Variants in CSMD3 observed in about 807,000 individuals in gnomAD.
The protein encoded by CSMD3 is CUB and Sushi multiple domains 3, also known as CUB and sushi domain-containing protein 3.
A neutral mutation model predicts 435.2 loss-of-function variants in CSMD3; 177 were observed. The observed-to-expected ratio is 0.41, with a 90% CI of 0.36 to 0.46. The LOEUF is 0.46. CSMD3 is among the 20% of genes least tolerant of loss of function. CSMD3 has a pLI of 0.34. For missense variants in CSMD3, 4,265 were observed against 4,504.6 expected (o/e 0.95, Z 1.52); for synonymous variants, 1,656 against 1,520.5 (o/e 1.09, Z -2.07).
chr8:113,139,848 C>G (rs1163105980), intron 4 of CSMD3, among the ~76,000 whole-genome samples: 2 of 150,856 alleles, frequency 1.3e-5, no homozygotes, highest in African/African-American at 4.9e-5. Context: ...ATATTAACAG[C>G]AAAATAATAG....
At chr8:113,391,444 G>C (rs1289125662) in intron 1 of CSMD3, among the ~76,000 whole-genome samples, 1 of 151,998 alleles carries the variant, frequency 6.6e-6, no homozygotes, top group Admixed American at 6.6e-5. Flanking sequence ...TTCTAACAAA[G>C]TTCCGTGGGT....
intron 5 of CSMD3, among the ~76,000 whole-genome samples, chr8:113,026,031 G>A (rs751200826): frequency 4.8e-4 from 73 of 152,268 alleles, no homozygotes; most frequent in Non-Finnish European, 2.1e-4. Flanking sequence ...ATGTGCTATA[G>A]CACCCTGGGT....
intron 1 of CSMD3, among the ~76,000 whole-genome samples, chr8:113,435,927 T>C (rs2094703412): frequency 6.6e-6 from 1 of 151,970 alleles, no homozygotes; most frequent in Non-Finnish European, 1.5e-5. Flanking sequence ...CCCCTATCTG[T>C]GCATGTGACA....
At chr8:112,558,062 T>C (rs535924234) in intron 24 of CSMD3, among the ~76,000 whole-genome samples, 4 of 151,944 alleles carry the variant, frequency 2.6e-5, no homozygotes, top group African/African-American at 9.6e-5. Context: ...CTCAGAACAA[T>C]ATACTCCAAA....
chr8:113,069,246 A>G (rs2131395886), intron 5 of CSMD3, among the ~76,000 whole-genome samples: 1 of 152,148 alleles, frequency 6.6e-6, no homozygotes, highest in South Asian at 2.1e-4. Context: ...ATATATGCCC[A>G]CTCCATTCTA....
At position 112,228,871 on chromosome 8, in the gene CSMD3, A is replaced by C; in HGVS notation, c.10849T>G (p.Ser3617Ala). ...CCATGAGGTTGATTTGAAGAATTTGAACCTTCTGACATATTCAGTCCTACA... is the reference window on the plus strand; with the variant it reads ...CCATGAGGTTGATTTGAAGAATTTGCACCTTCTGACATATTCAGTCCTACA... ...QRLGLNMSEG[S>A]NSSNQPHGTN... The change falls in exon 70 of 71, where the codon TCA becomes GCA. Residue 3617 changes from serine to alanine, a missense_variant. Around this residue, in one of 3 missense-constraint regions of CSMD3, gnomAD observed 3,255 missense variants for 3,380.2 expected, o/e 0.96. Coordinates refer to ENST00000297405, the MANE Select transcript of CSMD3 (RefSeq NM_198123.2). 2 of 1,557,474 alleles carry C rather than the reference A, an allele frequency of 1.3e-6. No homozygotes were observed. The highest frequency in any genetic ancestry group is 1.8e-6 in the Non-Finnish European group (2 of 1,129,930).
At chr8:112,432,844 G>A (rs756498831) in intron 32 of CSMD3, among the ~76,000 whole-genome samples, 2 of 151,432 alleles carry the variant, frequency 1.3e-5, no homozygotes, top group East Asian at 3.9e-4. Flanking sequence ...GGGAGGCTGA[G>A]GTAAGAGGAT....
chr8:113,138,953 CT>C (rs1266750589), intron 4 of CSMD3, among the ~76,000 whole-genome samples: 1 of 150,682 alleles, frequency 6.6e-6, no homozygotes, highest in African/African-American at 2.4e-5. Context: ...TTTACAAATA[CT>C]TTTATTTACA....
chr8:112,651,138 G>C (rs1265267822), intron 18 of CSMD3, among the ~76,000 whole-genome samples: 1 of 152,132 alleles, frequency 6.6e-6, no homozygotes, highest in East Asian at 1.9e-4. Context: ...GCCCTCAGTT[G>C]AGAACCACTG....
At chr8:112,543,074 C>T (rs1395767559) in intron 27 of CSMD3, among the ~76,000 whole-genome samples, 2 of 152,048 alleles carry the variant, frequency 1.3e-5, no homozygotes, top group Non-Finnish European at 2.9e-5. Flanking sequence ...AGACCCTTAT[C>T]TTACAGCCTA....
At chr8:112,615,928 C>T (rs13275157) in intron 22 of CSMD3, among the ~76,000 whole-genome samples, 9,544 of 152,098 alleles carry the variant, frequency 0.063, 467 homozygotes, top group Non-Finnish European at 0.098. Context: ...AAAGAAAATC[C>T]CTTTCTTTGT....
At chr8:112,547,191 G>C (rs1352719737) in intron 27 of CSMD3, among the ~76,000 whole-genome samples, 1 of 152,006 alleles carries the variant, frequency 6.6e-6, no homozygotes, top group Non-Finnish European at 1.5e-5. Flanking sequence ...ATTTTTATTA[G>C]CACTTGCTTT....
intron 13 of CSMD3, among the ~76,000 whole-genome samples, chr8:112,741,801 A>G (rs1168547963): frequency 6.6e-6 from 1 of 151,198 alleles, no homozygotes; most frequent in Non-Finnish European, 1.5e-5. Flanking sequence ...GAGAAGATAG[A>G]TAGATAGATA....
chr8:112,663,740 C>A (rs1297652494), intron 17 of CSMD3, among the ~76,000 whole-genome samples: 1 of 152,012 alleles, frequency 6.6e-6, no homozygotes, highest in Non-Finnish European at 1.5e-5. Flanking sequence ...ACAGTGTAGG[C>A]TTATTCAATC....
intron 5 of CSMD3, among the ~76,000 whole-genome samples, chr8:113,028,315 C>A (rs1021361374): frequency 6.9e-6 from 1 of 145,756 alleles, no homozygotes; most frequent in Non-Finnish European, 1.6e-5. Flanking sequence ...ACTAATCAAC[C>A]ATTCCCTTGT....
chr8:112,502,740 T>G (rs1018756736), intron 30 of CSMD3, among the ~76,000 whole-genome samples: 8 of 152,200 alleles, frequency 5.3e-5, no homozygotes, highest in African/African-American at 1.9e-4. Context: ...TCAAGTTGGC[T>G]GATGGATGCT....
intron 6 of CSMD3, among the ~76,000 whole-genome samples, chr8:112,979,172 T>A (rs568451663): frequency 2.2e-4 from 34 of 151,970 alleles, no homozygotes; most frequent in African/African-American, 8.2e-4. Flanking sequence ...GTTTAATCTG[T>A]TAGTATAAAA....
At chr8:112,762,205 A>C (rs1054660220) in intron 13 of CSMD3, among the ~76,000 whole-genome samples, 2 of 151,956 alleles carry the variant, frequency 1.3e-5, no homozygotes, top group African/African-American at 4.8e-5. Context: ...TTTAATTATG[A>C]GAACGAGGCA....
intron 1 of CSMD3, among the ~76,000 whole-genome samples, chr8:113,400,165 T>C (rs1044424507): frequency 1.3e-5 from 2 of 152,026 alleles, no homozygotes; most frequent in Non-Finnish European, 2.9e-5. Context: ...GTAAAAGTTT[T>C]AGCCAGTTCA....
Sources: allele counts gnomAD v4.1 joint callset (sites outside exome capture counted in the v4.1 genomes callset), GRCh38; gene constraint gnomAD v4.1.1; regional missense constraint gnomAD v4.1.1; transcripts MANE v1.5; gene names NCBI Gene and HGNC (gene_info 2026-07-23, HGNC 2026-07-21).